Variants in STRN4 observed in about 807,000 individuals in gnomAD.
STRN4 encodes the protein striatin 4.
Under a neutral mutation model 77.9 loss-of-function variants are expected in STRN4, and 27 were observed. That is an observed-to-expected ratio of 0.35 (90% CI 0.26 to 0.48). The LOEUF (loss-of-function observed/expected upper bound fraction) is 0.48. Ranked by LOEUF, STRN4 falls within the 20% of genes least tolerant of loss-of-function variation. STRN4 has a pLI of 0.99. For missense variants in STRN4, 798 were observed against 1,049.7 expected (o/e 0.76, Z 3.31); for synonymous variants, 466 against 443.1 (o/e 1.05, Z -0.65).
chr19:46,722,840 G>A lies in STRN4; in HGVS notation c.1876C>T (p.Leu626Phe), dbSNP rs778701304. ...VLYDMEVGSA[L>F]LTLESRGSSG... is the part of the protein sequence containing the mutation. ...CTGCCCCGGGACTCCAGCGTGAGGA[G>A]GGCACTGCCAACCTCCATGTCATAC... Residue 626 changes from leucine (L) to phenylalanine (F), a missense_variant, in exon 14 of 18, where the codon CTC becomes TTC. This residue lies in a region of STRN4 where 287 missense variants were observed against 473.8 expected (regional missense o/e 0.61). Transcript: ENST00000263280. The A allele has an allele frequency of 9.3e-6, 15 of 1,613,900 alleles. 1 individual carries two copies. The South Asian group carries it at 1.5e-4, about 17-fold the overall frequency.
intron 15 of STRN4, 56 bp from the exon 16 acceptor site, chr19:46,722,128 A>G (rs2053992043): frequency 5.0e-6 from 8 of 1,608,554 alleles, no homozygotes; most frequent in Non-Finnish European, 2.5e-6. Flanking sequence ...CTCGCCTGAG[A>G]GAGTGAAAGG....
rs2122470385 is a variant in STRN4, at chr19:46,746,130, G to A, written c.282+19C>T. ...GGCCGGGCCGGGTTGGGGGTCGGGG[G>A]TCCCGGGACAGCGCTCACCTGTAAC... is the stretch of plus-strand genomic sequence containing the variant. On this transcript the variant is annotated intron_variant, in intron 1 of 17. Coordinates refer to ENST00000263280, the MANE Select transcript of STRN4 (RefSeq NM_013403.3). The A allele has an allele frequency of 2.0e-6, 3 of 1,492,988 alleles. No homozygotes were observed. Among genetic ancestry groups the A allele is most frequent in the South Asian group, 1.2e-5 (1 of 80,104 alleles). 92.5% of individuals were successfully genotyped at this position (1,492,988 alleles called of 1,614,324 possible).
Position 46,727,473 on chromosome 19 carries a change from G to C in STRN4, c.1227C>G (p.Asn409Lys). 6.2e-7 allele frequency: 1 copy of C among 1,613,986 alleles called. No homozygotes were observed. Among genetic ancestry groups the C allele is most frequent in the Non-Finnish European group, 8.5e-7 (1 of 1,179,914 alleles). ...LGDLADLTVT[N>K]DNDLSCDLSD... ...TTACATCGCAGCTGAGGTCGTTGTC[G>C]TTGGTGACGGTGAGATCTGCCAAGT... The change falls in exon 9 of 18, where the codon AAC (asparagine) becomes AAG (lysine). Residue 409 changes from asparagine to lysine, a missense_variant. Around this residue, in one of 2 missense-constraint regions of STRN4, gnomAD observed 511 missense variants for 575.9 expected, o/e 0.89. Coordinates refer to ENST00000263280, the MANE Select transcript of STRN4 (RefSeq NM_013403.3).
rs191951851 is a variant in STRN4 at position 46,723,620 on chromosome 19, C to T, written c.1595-336G>A. 5.9e-5 allele frequency among the ~76,000 whole-genome samples: 9 copies of T among 152,312 alleles called. No individual in the cohort carries two copies. In the East Asian group the frequency reaches 1.4e-3, roughly 23 times the overall value. On this transcript the variant is annotated intron_variant, in intron 12 of 17. Coordinates refer to ENST00000263280, the MANE Select transcript of STRN4 (RefSeq NM_013403.3). This position sits in a 1 kb window ranked among gnomAD's most constrained non-coding sequence, Gnocchi z 5.5. ...AAGAAGGAACAGCATGGTTCTGTGG[C>T]CCCAGGAGCGGCACGCAGCCTGTGC...
chr19:46,722,555 A>C (rs2054004395), intron 14 of STRN4, among the ~76,000 whole-genome samples: 1 of 152,106 alleles, frequency 6.6e-6, no homozygotes, highest in Non-Finnish European at 1.5e-5. Context: ...AATAACAAAC[A>C]TGAACACATT....
chr19:46,740,510 C>T (rs2054454657), intron 1 of STRN4, among the ~76,000 whole-genome samples: 1 of 152,096 alleles, frequency 6.6e-6, no homozygotes, highest in Non-Finnish European at 1.5e-5. Context: ...AATCTACTCT[C>T]TGAATCACTG....
At chr19:46,721,933 G>A in intron 16 of STRN4, 53 bp downstream of exon 16, 1 of 1,601,256 alleles carries the variant, frequency 6.2e-7, no homozygotes. Context: ...CAGTGCCCAG[G>A]CCTCTTCCTC....
chr19:46,746,064 C>A, intron 1 of STRN4, 85 bp downstream of exon 1: 1 of 1,212,744 alleles, frequency 8.2e-7, no homozygotes, highest in South Asian at 2.1e-5. Context: ...GGCCATTGCT[C>A]CAAGATGGCG....
intron 1 of STRN4, among the ~76,000 whole-genome samples, chr19:46,744,183 T>A (rs2054527356): frequency 6.6e-6 from 1 of 152,148 alleles, no homozygotes; most frequent in South Asian, 2.1e-4. Flanking sequence ...CTGAGTGAGG[T>A]AATGACACTG....
rs774276075 is a variant in STRN4 at position 46,724,915 on chromosome 19, C to T, written c.1486G>A (p.Ala496Thr). 67 of 1,613,906 alleles carry T rather than the reference C, an allele frequency of 4.2e-5. No homozygotes were observed. Among genetic ancestry groups the T allele is most frequent in the Non-Finnish European group, 5.2e-5 (61 of 1,180,050 alleles). ...AFRAHRGPVL[A>T]VAMGSNSEYC... is the part of the protein sequence containing the mutation. Reference sequence around the variant, plus strand: ...TCACTGTTGCTGCCCATAGCCACAGCCAACACTGGGCCCCTGGAAGGGACA... The same window carrying T: ...TCACTGTTGCTGCCCATAGCCACAGTCAACACTGGGCCCCTGGAAGGGACA... The change falls in exon 12 of 18, where the codon GCT (alanine) becomes ACT (threonine). Residue 496 changes from alanine to threonine, a missense_variant. By Grantham distance (58) the Ala-to-Thr change is moderately conservative (BLOSUM62 0). Coordinates refer to ENST00000263280, the MANE Select transcript of STRN4 (RefSeq NM_013403.3).
intron 1 of STRN4, among the ~76,000 whole-genome samples, chr19:46,740,856 A>T (rs2054461285): frequency 6.6e-6 from 1 of 152,166 alleles, no homozygotes; most frequent in Admixed American, 6.5e-5. Context: ...CTATGGGAAG[A>T]GGGACAAGAG....
chr19:46,730,191 G>A (rs563063621), intron 6 of STRN4, among the ~76,000 whole-genome samples: 8 of 152,334 alleles, frequency 5.3e-5, no homozygotes, highest in South Asian at 2.1e-4. Context: ...GCAGTGCTGC[G>A]GCTCCGTGCA....
intron 8 of STRN4, 170 bp from the exon 9 acceptor site, chr19:46,727,716 A>G: frequency 1.4e-6 from 1 of 739,660 alleles, no homozygotes. Context: ...AGAGACAGAC[A>G]GGGCAGGACA....
chr19:46,730,927 C>G (rs2054236585), intron 5 of STRN4, 54 bp from the exon 6 acceptor site: 1 of 1,595,362 alleles, frequency 6.3e-7, no homozygotes, highest in African/African-American at 1.3e-5. Flanking sequence ...TGTCAAAGCT[C>G]AGATAGGAAG....
chr19:46,730,837 G>A lies in STRN4; in HGVS notation c.774C>T (p.Gly258=), dbSNP rs376409756. 25 of 1,612,140 alleles carry A rather than the reference G, an allele frequency of 1.6e-5. No homozygotes were observed. The highest frequency in any genetic ancestry group is 9.3e-5 in the African/African-American group (7 of 75,062). ...AGGGGATCTGCCCCAGCACTGAGCCGCCCAAGCGCTCTTTGCCATCTTTGC... is the reference window on the plus strand; with the variant it reads ...AGGGGATCTGCCCCAGCACTGAGCCACCCAAGCGCTCTTTGCCATCTTTGC... ...AAGKDGKERL[G]GSVLGQIPFL... Residue 258 remains glycine, a synonymous_variant, in exon 6 of 18, where the codon GGC becomes GGT. Transcript: ENST00000263280.
Position 46,738,271 on chromosome 19 carries a change from C to A in STRN4, c.387-34G>T. The A allele has an allele frequency of 6.3e-7, 1 of 1,589,182 alleles. No homozygotes were observed. Among genetic ancestry groups the A allele is most frequent in the Non-Finnish European group, 8.6e-7 (1 of 1,157,576 alleles). The stretch of plus-strand genomic sequence containing the variant: ...GCAAATGATTAATGAATAAGAGATG[C>A]GGGAGAGTAGACAGGGTCAGTAGTT... On this transcript the variant is annotated intron_variant, in intron 2 of 17. Coordinates refer to ENST00000263280, the MANE Select transcript of STRN4 (RefSeq NM_013403.3). The surrounding 1 kb of genome is among the most constrained non-coding windows in gnomAD (Gnocchi z 4.5).
chr19:46,727,981 T>C lies in STRN4; in HGVS notation c.1066A>G (p.Ile356Val). The C allele has an allele frequency of 6.2e-7, 1 of 1,614,038 alleles. No homozygotes were observed. The highest frequency in any genetic ancestry group is 8.5e-7 in the Non-Finnish European group (1 of 1,179,954). ...TCCACATCCCGCAGGTCAGCCAGAATGCCTTGGAGTTTGACCCGACGGCTT... is the reference window on the plus strand; with the variant it reads ...TCCACATCCCGCAGGTCAGCCAGAACGCCTTGGAGTTTGACCCGACGGCTT... ...LESRRVKLQG[I>V]LADLRDVDGL... The change falls in exon 8 of 18, where the codon ATT becomes GTT. Residue 356 changes from isoleucine to valine, a missense_variant. Physicochemically the swap from Ile to Val is conservative, Grantham distance 29. This residue lies in a region of STRN4 where 511 missense variants were observed against 575.9 expected (regional missense o/e 0.89). Coordinates refer to ENST00000263280, the MANE Select transcript of STRN4 (RefSeq NM_013403.3).
chr19:46,724,851 C>T lies in STRN4; in HGVS notation c.1550G>A (p.Ser517Asn), dbSNP rs1391050025. ...CATGCTGAGGTCTGGAATCTTCCAA[C>T]TATGGATGCAGGCATCTGCCCCGCC... ...YSGGADACIH[S>N]WKIPDLSMDP... The change falls in exon 12 of 18, where the codon AGT becomes AAT. Residue 517 changes from serine to asparagine, a missense_variant. This residue lies in a region of STRN4 where 287 missense variants were observed against 473.8 expected (regional missense o/e 0.61). Coordinates refer to ENST00000263280, the MANE Select transcript of STRN4 (RefSeq NM_013403.3). The T allele has an allele frequency of 3.7e-6, 6 of 1,613,726 alleles. No individual in the cohort carries two copies. The highest frequency in any genetic ancestry group is 1.3e-5 in the African/African-American group (1 of 74,926).
intron 4 of STRN4, among the ~76,000 whole-genome samples, chr19:46,735,599 G>C (rs1267854491): frequency 3.9e-5 from 6 of 152,198 alleles, no homozygotes; most frequent in Non-Finnish European, 8.8e-5. Context: ...GAAATTATGA[G>C]TGATTTTTCT....
Sources: gnomAD v4.1 joint callset for allele counts (sites outside exome capture counted in the v4.1 genomes callset) on GRCh38, gnomAD v4.1.1 for gene constraint, gnomAD v4.1.1 regional missense constraint, Gnocchi (gnomAD v3.1) non-coding constraint, MANE v1.5 for transcripts, NCBI Gene and HGNC (gene_info 2026-07-23, HGNC 2026-07-21) for gene names.